PAK6: variants seen among roughly 807,000 people sequenced by gnomAD.
PAK6 encodes p21 (RAC1) activated kinase 6.
A neutral mutation model predicts 60.8 loss-of-function variants in PAK6; 33 were observed. The ratio of observed to expected loss-of-function variants is 0.54; its 90% CI spans 0.41 to 0.73. The LOEUF is 0.73. PAK6 is among the 30% of genes least tolerant of loss of function. The probability of loss-of-function intolerance (pLI) is 0.00; values close to 1 mark genes in which losing one functional copy is unlikely to be tolerated. For missense variants in PAK6, 845 were observed against 904.1 expected (o/e 0.93, Z 0.84); for synonymous variants, 404 against 378.5 (o/e 1.07, Z -0.78).
intron 2 of PAK6, among the ~76,000 whole-genome samples, chr15:40,244,501 G>A (rs1042172924): frequency 3.4e-4 from 51 of 151,160 alleles, no homozygotes; most frequent in African/African-American, 1.2e-3. Flanking sequence ...TGGTTCAAGC[G>A]ATTCTCCTGC....
intron 4 of PAK6, among the ~76,000 whole-genome samples, chr15:40,265,294 A>G (rs959528809): frequency 6.6e-6 from 1 of 152,202 alleles, no homozygotes; most frequent in Admixed American, 6.5e-5. Context: ...GTCCCATTCA[A>G]TATTTGGACC....
chr15:40,272,949 C>G (rs1449163447), exon 7 of PAK6: 2 of 1,614,016 alleles, frequency 1.2e-6, no homozygotes, highest in Non-Finnish European at 1.7e-6. Context: ...TGTGGGTGCT[C>G]ATGGAGTTCC....
rs1040558528 is a variant in PAK6, at chr15:40,272,264, C to A, written c.899C>A (p.Pro300Gln). 6 of 1,613,412 alleles carry A rather than the reference C, an allele frequency of 3.7e-6. No individual in the cohort carries two copies. The highest frequency in any genetic ancestry group is 2.7e-5 in the African/African-American group (2 of 74,950). Residue 300 changes from proline (P) to glutamine (Q), a missense_variant, in exon 6 of 11, where the codon CCA (proline) becomes CAA (glutamine). Physicochemically the swap from Pro to Gln is moderately conservative, Grantham distance 76. Coordinates refer to ENST00000560346, the Ensembl canonical transcript of PAK6. The stretch of plus-strand genomic sequence containing the variant: ...CGACCGCCGCAGAAAGACAACCCCC[C>A]AAGCCTGGTGGCCAAGGCCCAGTCC...
At chr15:40,261,321 G>A (rs8027495) in intron 3 of PAK6, among the ~76,000 whole-genome samples, 146,423 of 151,540 alleles carry the variant, frequency 0.97, 70,781 homozygotes, top group East Asian at 0.99. Context: ...GGTGGATCAT[G>A]AAGTCAAGAG....
At chr15:40,249,479 T>G (rs1221212622) in intron 2 of PAK6, among the ~76,000 whole-genome samples, 1 of 152,246 alleles carries the variant, frequency 6.6e-6, no homozygotes, top group East Asian at 1.9e-4. Context: ...CACAGGTACA[T>G]AGCTTTGTAC....
intron 5 of PAK6, among the ~76,000 whole-genome samples, chr15:40,269,778 C>T (rs35114516): frequency 0.096 from 14,581 of 152,218 alleles, 857 homozygotes; most frequent in South Asian, 0.15. Context: ...CCCCCAGCCT[C>T]CAGACGCAGG....
chr15:40,252,326 G>T, intron 2 of PAK6: 1 of 1,272,108 alleles, frequency 7.9e-7, no homozygotes. Context: ...GGCGGCCACT[G>T]GGCCGTGGAG....
In PAK6 at chr15:40,272,731, C is replaced by CAG. The variant is rs762296476; in HGVS notation, c.1356+11_1356+12dup. 4.4e-6 allele frequency: 7 copies of CAG among 1,580,726 alleles called. No individual in the cohort carries two copies. Among genetic ancestry groups the CAG allele is most frequent in the Non-Finnish European group, 3.4e-6 (4 of 1,164,620 alleles). On this transcript the variant is annotated intron_variant, in intron 6 of 10. Transcript: ENST00000560346. The stretch of plus-strand genomic sequence containing the variant: ...GCTGCTCTTCAACGAGGTGGGAGGA[C>CAG]AGGGTGGGACACAGACGGGGGCGTT...
At chr15:40,248,125 T>A (rs1250975881) in intron 2 of PAK6, among the ~76,000 whole-genome samples, 1 of 152,160 alleles carries the variant, frequency 6.6e-6, no homozygotes, top group Non-Finnish European at 1.5e-5. Flanking sequence ...GCAAGAGGGC[T>A]CCCGTCCGCA....
At chr15:40,267,589 G>A (rs1188582478) in intron 5 of PAK6, among the ~76,000 whole-genome samples, 1 of 152,204 alleles carries the variant, frequency 6.6e-6, no homozygotes, top group East Asian at 1.9e-4. Context: ...AACCCGGGAG[G>A]CAGAGCTTGC....
At position 40,265,831 on chromosome 15, in the gene PAK6, T is replaced by A. The variant is rs34897241; in HGVS notation, c.205-11T>A. On this transcript the variant is annotated splice_polypyrimidine_tract_variant and intron_variant, in intron 4 of 10. Transcript: ENST00000560346. Reference sequence around the variant, plus strand: ...GCAGCTCCCACACACTCTTTTCTCTTCCCCCTACAGACAGTGGTGCGGGGC... The same window carrying A: ...GCAGCTCCCACACACTCTTTTCTCTACCCCCTACAGACAGTGGTGCGGGGC... 9 of 1,507,000 alleles carry A rather than the reference T, an allele frequency of 6.0e-6. No homozygotes were observed. The African/African-American group carries it at 1.1e-4, about 19-fold the overall frequency. The allele number at this position is 1,507,000 out of a possible 1,614,324, so 93.4% of individuals were successfully genotyped here. A position where few individuals can be genotyped will look rare whatever the true frequency, so the allele number is the denominator to read the frequency against.
Position 40,262,888 on chromosome 15 carries a change from T to C in PAK6, c.-5-1893T>C, listed in dbSNP as rs1368184604. On this transcript the variant is annotated intron_variant, in intron 3 of 10. Transcript: ENST00000560346. ...ATTTGTTCAAAATCTCTCCAAATTA[T>C]TAGTGGGAGACTCCCTACAACTCAT... Among the ~76,000 whole-genome samples the C allele has an allele frequency of 3.4e-5, 5 of 148,470 alleles. No homozygotes were observed. In the East Asian group the frequency reaches 9.8e-4, roughly 29 times the overall value.
intron 5 of PAK6, 41 bp from the exon 6 acceptor site, chr15:40,272,183 C>G (rs2039323315): frequency 6.4e-7 from 1 of 1,565,162 alleles, no homozygotes; most frequent in Non-Finnish European, 8.7e-7. Flanking sequence ...ATTCCAAATG[C>G]TCCCACAGCC....
rs1243203044 is a variant in PAK6 at position 40,253,317 on chromosome 15, A to G, written c.-6+28A>G. 1.1e-5 allele frequency: 5 copies of G among 454,326 alleles called. No homozygotes were observed. The Admixed American group carries it at 1.2e-4, about 11-fold the overall frequency. The allele number at this position is 454,326 out of a possible 1,614,324, so 28.1% of individuals were successfully genotyped here. A position where few individuals can be genotyped will look rare whatever the true frequency, so the allele number is the denominator to read the frequency against. Reference sequence around the variant, plus strand: ...GAGTGAGCGAGCGGCCCCCGGCCCTAGAGCCTTCTGCACCCATTTTGAAGA... The same window carrying G: ...GAGTGAGCGAGCGGCCCCCGGCCCTGGAGCCTTCTGCACCCATTTTGAAGA... On this transcript the variant is annotated intron_variant, in intron 3 of 10. Coordinates refer to ENST00000560346, the Ensembl canonical transcript of PAK6.
intron 3 of PAK6, chr15:40,258,597 C>A: frequency 6.6e-6 from 1 of 152,614 alleles, no homozygotes. Flanking sequence ...ACCACTGTCC[C>A]GCCCCTCAGT....
chr15:40,275,787 A>G lies in PAK6; in HGVS notation c.1879-140A>G, dbSNP rs1393329612. On this transcript the variant is annotated intron_variant, in intron 10 of 10. Coordinates refer to ENST00000560346, the Ensembl canonical transcript of PAK6. ...TAGCATCTGAATGCTGAGAGCCTTG[A>G]GGGGGTGGGGAGGGACAAGGGAACA... 1.6e-4 allele frequency: 116 copies of G among 735,868 alleles called. No individual in the cohort carries two copies. In the South Asian group the frequency reaches 1.9e-3, roughly 12 times the overall value. 45.6% of individuals were successfully genotyped at this position (735,868 alleles called of 1,614,324 possible).
intron 1 of PAK6, 138 bp from the exon 2 acceptor site, chr15:40,240,461 C>T (rs2038292002): frequency 5.7e-6 from 2 of 348,524 alleles, no homozygotes; most frequent in Non-Finnish European, 1.1e-5. Context: ...GAGTAAGCTG[C>T]CAGAGGGAGG....
At chr15:40,264,340 G>A (rs748927968) in intron 3 of PAK6, 6 of 405,062 alleles carry the variant, frequency 1.5e-5, no homozygotes, top group South Asian at 9.0e-5. Flanking sequence ...TCCTTTTCTT[G>A]CACTCTCCTT....
intron 9 of PAK6, 95 bp from the exon 10 acceptor site, chr15:40,274,047 G>T (rs1331597356): frequency 2.1e-6 from 3 of 1,448,548 alleles, no homozygotes; most frequent in Non-Finnish European, 1.9e-6. Context: ...GAGAGCTGGG[G>T]CCAGCTGTCC....
Sources: allele counts gnomAD v4.1 joint callset (sites outside exome capture counted in the v4.1 genomes callset), GRCh38; gene constraint gnomAD v4.1.1; transcripts MANE v1.5; gene names NCBI Gene and HGNC (gene_info 2026-07-23, HGNC 2026-07-21).